The following KCMF1 variants were observed in gnomAD, a reference collection of about 807,000 sequenced individuals.
The protein encoded by KCMF1 is potassium channel modulatory factor 1.
KCMF1 carries 3 observed loss-of-function variants against 41.1 expected under a neutral mutation model. The observed-to-expected ratio is 0.07, with a 90% CI of 0.03 to 0.19. The LOEUF is 0.19. Among genes scored for constraint, KCMF1 ranks in the 10% least tolerant of loss-of-function variants. The pLI, the probability that KCMF1 is intolerant of heterozygous loss-of-function variation, is 1.00. For synonymous variants in KCMF1, 142 were observed against 164.5 expected, an observed-to-expected ratio of 0.86 and a Z score of 1.04; for missense variants, 286 against 488.9, an observed-to-expected ratio of 0.58 and a Z score of 3.91.
chr2:85,008,351 T>C (rs1674549752), intron 1 of KCMF1, among the ~76,000 whole-genome samples: 2 of 111,946 alleles, frequency 1.8e-5, no homozygotes, highest in Non-Finnish European at 3.6e-5. Flanking sequence ...ATATATAATA[T>C]ATAATATATA....
chr2:85,022,885 T>G (rs1216491225), intron 1 of KCMF1, among the ~76,000 whole-genome samples: 2 of 121,704 alleles, frequency 1.6e-5, no homozygotes, highest in East Asian at 4.7e-4. Flanking sequence ...CTGTATGTAT[T>G]CTTTTTTTTT....
chr2:85,017,012 CT>C (rs768880385), intron 1 of KCMF1, among the ~76,000 whole-genome samples: 2,927 of 99,572 alleles, frequency 0.029, 27 homozygotes, highest in African/African-American at 0.066. Flanking sequence ...AGATCCTCTT[CT>C]TTTTTTTTTT....
intron 1 of KCMF1, among the ~76,000 whole-genome samples, chr2:85,006,973 G>A (rs1318669293): frequency 6.6e-6 from 1 of 151,806 alleles, no homozygotes; most frequent in Non-Finnish European, 1.5e-5. Context: ...CCAGGCACAT[G>A]CCTGTAATCC....
intron 1 of KCMF1, among the ~76,000 whole-genome samples, chr2:84,988,803 T>C (rs1673966416): frequency 6.6e-6 from 1 of 152,210 alleles, no homozygotes; most frequent in South Asian, 2.1e-4. Flanking sequence ...CATCTGACTT[T>C]TTCTTTGGAG....
rs1449876865 is a variant in KCMF1 at position 85,056,699 on chromosome 2, T to TCTGATATGGCTTA, written c.*3297_*3309dup. ...AATATTAAGTCTACTGTAAGTGGGG[T>TCTGATATGGCTTA]CTGATATGGCTTACTGATACAGGCA... is the stretch of plus-strand genomic sequence containing the variant. On this transcript the variant is annotated 3_prime_UTR_variant, in exon 7 of 7. Transcript: ENST00000409785. The TCTGATATGGCTTA allele has an allele frequency of 7.2e-5, 11 of 152,138 alleles. No homozygotes were observed. The highest frequency in any genetic ancestry group is 8.8e-5 in the Non-Finnish European group (6 of 68,032). 9.4% of individuals were successfully genotyped at this position (152,138 alleles called of 1,614,324 possible).
chr2:85,024,898 T>C (rs1427731505), intron 1 of KCMF1, among the ~76,000 whole-genome samples: 1 of 152,192 alleles, frequency 6.6e-6, no homozygotes, highest in African/African-American at 2.4e-5. Flanking sequence ...CTGTTTCTGG[T>C]CTTTCCGTTC....
chr2:85,021,040 T>C (rs771245863), intron 1 of KCMF1, among the ~76,000 whole-genome samples: 10 of 152,192 alleles, frequency 6.6e-5, no homozygotes, highest in East Asian at 1.9e-4. Flanking sequence ...TAGCCAACTT[T>C]TATTTTTATG....
At chr2:85,026,858 C>T (rs1675120440) in intron 1 of KCMF1, among the ~76,000 whole-genome samples, 1 of 152,196 alleles carries the variant, frequency 6.6e-6, no homozygotes, top group African/African-American at 2.4e-5. Context: ...GATTCTGCTG[C>T]TCCTGCTAGT....
chr2:85,020,481 C>CGCAGTGGCACAATCTCCGCTCACT, intron 1 of KCMF1, among the ~76,000 whole-genome samples: 2 of 151,874 alleles, frequency 1.3e-5, no homozygotes, highest in African/African-American at 4.8e-5. Context: ...CAGGCTGGAG[C>CGCAGTGGCACAATCTCCGCTCACT]GCAGTGGCAC....
chr2:85,033,042 T>G (rs1219013221), intron 2 of KCMF1, among the ~76,000 whole-genome samples: 2 of 152,312 alleles, frequency 1.3e-5, no homozygotes, highest in South Asian at 4.1e-4. Context: ...GTTTGCTCAG[T>G]TTTTGGTAGA....
intron 3 of KCMF1, 74 bp from the exon 4 acceptor site, chr2:85,043,490 C>G (rs534357324): frequency 2.4e-6 from 2 of 842,750 alleles, no homozygotes; most frequent in Admixed American, 2.0e-5. Flanking sequence ...GTAAAACTTA[C>G]AGCAGAATAC....
At chr2:85,025,319 T>G (rs1160377935) in intron 1 of KCMF1, among the ~76,000 whole-genome samples, 2 of 152,244 alleles carry the variant, frequency 1.3e-5, no homozygotes, top group African/African-American at 4.8e-5. Flanking sequence ...CATAGGCACT[T>G]TTTTAAAATG....
chr2:85,022,346 C>T (rs892206212), intron 1 of KCMF1, among the ~76,000 whole-genome samples: 2 of 151,986 alleles, frequency 1.3e-5, no homozygotes, highest in Non-Finnish European at 2.9e-5. Flanking sequence ...TGGTGGCGCA[C>T]ACCAGTAGTC....
intron 1 of KCMF1, among the ~76,000 whole-genome samples, chr2:84,983,504 G>T (rs1673818747): frequency 2.0e-5 from 3 of 151,266 alleles, no homozygotes; most frequent in Admixed American, 2.0e-4. Context: ...CTTTTGTTTT[G>T]TTTTTTTTGC....
intron 1 of KCMF1, among the ~76,000 whole-genome samples, chr2:85,024,752 T>C (rs1447673632): frequency 6.6e-6 from 1 of 152,194 alleles, no homozygotes; most frequent in Non-Finnish European, 1.5e-5. Context: ...TTTTTGTGTG[T>C]ATAGGATATG....
chr2:85,033,621 AT>A (rs1675336246), intron 2 of KCMF1, among the ~76,000 whole-genome samples: 2 of 152,196 alleles, frequency 1.3e-5, no homozygotes, highest in African/African-American at 4.8e-5. Flanking sequence ...AAGGGAGCTA[AT>A]TCAGTCCTGA....
intron 1 of KCMF1, among the ~76,000 whole-genome samples, chr2:84,982,807 T>C (rs985338200): frequency 7.2e-5 from 11 of 152,196 alleles, no homozygotes; most frequent in African/African-American, 2.7e-4. Flanking sequence ...AGTCTGACAC[T>C]GTTAGGGATT....
At chr2:84,992,282 A>G (rs1674057692) in intron 1 of KCMF1, among the ~76,000 whole-genome samples, 1 of 152,046 alleles carries the variant, frequency 6.6e-6, no homozygotes, top group African/African-American at 2.4e-5. Context: ...TTGAGATGGA[A>G]TCTCACTCTG....
chr2:85,057,230 C>T lies in KCMF1; in HGVS notation c.*3821C>T, dbSNP rs58046153. ...GGTACGAAATTATCCCAGAATTATA[C>T]GCGAAAGTTGGTGTTCATGCTGGAA... On this transcript the variant is annotated 3_prime_UTR_variant, in exon 7 of 7. Transcript: ENST00000409785. 0.21 allele frequency: 31,599 copies of T among 151,816 alleles called. 4,364 individuals are homozygous for T. The highest frequency in any genetic ancestry group is 0.38 in the African/African-American group (15,610 of 41,348). The allele number at this position is 151,816 out of a possible 1,614,324, so 9.4% of individuals were successfully genotyped here.
Sources: allele counts gnomAD v4.1 joint callset (sites outside exome capture counted in the v4.1 genomes callset), GRCh38; gene constraint gnomAD v4.1.1; transcripts MANE v1.5; gene names NCBI Gene and HGNC (gene_info 2026-07-23, HGNC 2026-07-21).